The following HSDL1 variants were observed in gnomAD, a reference collection of about 807,000 sequenced individuals.
HSDL1 encodes the protein inactive hydroxysteroid dehydrogenase-like protein 1.
In HSDL1, 29 loss-of-function variants were observed where a neutral mutation model predicts 31.5. The observed-to-expected ratio is 0.92, with a 90% CI of 0.69 to 1.26. The LOEUF (loss-of-function observed/expected upper bound fraction) is 1.26, where lower values mean the gene tolerates loss of function less well. HSDL1 is among the 50% of genes most tolerant of loss of function. HSDL1 has a pLI of 0.00. For missense variants in HSDL1, 503 were observed against 416.6 expected, an observed-to-expected ratio of 1.21 and a Z score of -1.81; for synonymous variants, 222 against 155.2, an observed-to-expected ratio of 1.43 and a Z score of -3.20.
At chr16:84,137,061 G>C (rs1426863488) in intron 1 of HSDL1, among the ~76,000 whole-genome samples, 1 of 152,202 alleles carries the variant, frequency 6.6e-6, no homozygotes, top group East Asian at 1.9e-4. Context: ...GAACAGCAAT[G>C]AAAAATACAA....
chr16:84,124,838 A>G, intron 5 of HSDL1, 110 bp from the exon 6 acceptor site: 1 of 665,404 alleles, frequency 1.5e-6, no homozygotes, highest in East Asian at 2.8e-5. Context: ...AATACCCACC[A>G]ATCAATCACA....
At chr16:84,132,124 GATAAACACA>G (rs2086675513) in intron 2 of HSDL1, among the ~76,000 whole-genome samples, 1 of 152,238 alleles carries the variant, frequency 6.6e-6, no homozygotes, top group Admixed American at 6.5e-5. Context: ...TGGCTACAGA[GATAAACACA>G]ATATGCTCTG....
chr16:84,126,214 T>C (rs561837874), intron 5 of HSDL1, among the ~76,000 whole-genome samples: 1 of 152,016 alleles, frequency 6.6e-6, no homozygotes, highest in East Asian at 1.9e-4. Flanking sequence ...AGGGGTAGTA[T>C]GGAACAAAGT....
rs1479036356 is a variant in HSDL1, at chr16:84,123,025, C to G, written c.*1605G>C. 6.6e-6 allele frequency: 1 copy of G among 152,166 alleles called. No homozygotes were observed. The highest frequency in any genetic ancestry group is 6.5e-5 in the Admixed American group (1 of 15,274). The allele number at this position is 152,166 out of a possible 1,614,324, so 9.4% of individuals were successfully genotyped here. ...GCTGCTTATTATACATCAAAGTTCA[C>G]GTCAATGTGGCATGAAGTCAAGAGG... On this transcript the variant is annotated 3_prime_UTR_variant, in exon 6 of 6. Coordinates refer to ENST00000219439, the MANE Select transcript of HSDL1 (RefSeq NM_031463.5).
intron 2 of HSDL1, among the ~76,000 whole-genome samples, chr16:84,133,697 C>G (rs1242192948): frequency 6.6e-6 from 1 of 152,148 alleles, no homozygotes; most frequent in East Asian, 1.9e-4. Context: ...CCACTGCGCT[C>G]CAGCCTGGGC....
intron 1 of HSDL1, among the ~76,000 whole-genome samples, chr16:84,138,598 G>C (rs1033852596): frequency 2.6e-5 from 4 of 152,216 alleles, no homozygotes; most frequent in Non-Finnish European, 4.4e-5. Flanking sequence ...AATTTTATTT[G>C]TCAATTATAC....
At chr16:84,127,741 C>T (rs933239760) in intron 5 of HSDL1, among the ~76,000 whole-genome samples, 2 of 135,738 alleles carry the variant, frequency 1.5e-5, no homozygotes, top group African/African-American at 5.6e-5. Context: ...TTTTGTGAGA[C>T]GGAGTCTTGC....
chr16:84,127,809 C>G (rs2086623982), intron 5 of HSDL1, among the ~76,000 whole-genome samples: 2 of 148,936 alleles, frequency 1.3e-5, no homozygotes, highest in Admixed American at 1.3e-4. Context: ...AGCTCTGCCT[C>G]CCGGGTTCAC....
At chr16:84,127,176 C>G in intron 5 of HSDL1, among the ~76,000 whole-genome samples, 1 of 149,508 alleles carries the variant, frequency 6.7e-6, no homozygotes, top group East Asian at 1.9e-4. Flanking sequence ...ATTAAAGGAC[C>G]TGGAAACAAC....
At chr16:84,133,996 T>C (rs2086690423) in intron 2 of HSDL1, among the ~76,000 whole-genome samples, 1 of 152,240 alleles carries the variant, frequency 6.6e-6, no homozygotes, top group South Asian at 2.1e-4. Flanking sequence ...ATATGAGCTG[T>C]CTAGTTCAAC....
intron 5 of HSDL1, among the ~76,000 whole-genome samples, chr16:84,127,417 T>A (rs2086620175): frequency 6.6e-6 from 1 of 151,774 alleles, no homozygotes; most frequent in Non-Finnish European, 1.5e-5. Flanking sequence ...GGTTTCACCA[T>A]GTTGGCAAGG....
rs544496668 is a variant in HSDL1 at position 84,142,670 on chromosome 16, T to C, written c.-69+2410A>G. ...CATATTGGCCAGGCTGGTCTTGAAC[T>C]CCTGACCTTGTGATCCGCCCACTTT... On this transcript the variant is annotated intron_variant, in intron 1 of 5. Coordinates refer to ENST00000219439, the MANE Select transcript of HSDL1 (RefSeq NM_031463.5). 3.9e-5 allele frequency among the ~76,000 whole-genome samples: 6 copies of C among 152,150 alleles called. No homozygotes were observed. The South Asian group carries it at 1.2e-3, about 32-fold the overall frequency.
At chr16:84,134,115 C>G (rs915784908) in intron 2 of HSDL1, among the ~76,000 whole-genome samples, 6 of 107,798 alleles carry the variant, frequency 5.6e-5, no homozygotes, top group Non-Finnish European at 1.2e-4. Context: ...AAAGTTAGGG[C>G]CCCCCCTTCA....
At chr16:84,141,042 G>C (rs529700809) in intron 1 of HSDL1, among the ~76,000 whole-genome samples, 2 of 149,028 alleles carry the variant, frequency 1.3e-5, no homozygotes, top group Non-Finnish European at 2.9e-5. Context: ...AGTGAGCGGA[G>C]ATCGCGCCAC....
At chr16:84,128,067 T>C (rs2086626883) in intron 5 of HSDL1, among the ~76,000 whole-genome samples, 1 of 150,512 alleles carries the variant, frequency 6.6e-6, no homozygotes, top group Non-Finnish European at 1.5e-5. Flanking sequence ...GGCGGGTGGA[T>C]CACCTGAGAT....
At position 84,131,340 on chromosome 16, in the gene HSDL1, GGAAAGA is replaced by G. The variant is rs757679956; in HGVS notation, c.-6-19_-6-14del. 1 of 1,570,134 alleles carries G rather than the reference GGAAAGA, an allele frequency of 6.4e-7. No individual in the cohort carries two copies. Among genetic ancestry groups the G allele is most frequent in the South Asian group, 1.1e-5 (1 of 90,096 alleles). ...CAGCCATGGCAACCTGCAGGGAGAG[GGAAAGA>G]GAGAGAGCCTCTTTGATTAATAAAT... On this transcript the variant is annotated splice_polypyrimidine_tract_variant and intron_variant, in intron 2 of 5. Transcript: ENST00000219439.
intron 1 of HSDL1, among the ~76,000 whole-genome samples, chr16:84,144,001 G>A (rs2086803082): frequency 6.6e-6 from 1 of 151,828 alleles, no homozygotes; most frequent in South Asian, 2.1e-4. Flanking sequence ...CCGGGCGACA[G>A]AGCGAGATTG....
intron 5 of HSDL1, among the ~76,000 whole-genome samples, chr16:84,129,102 G>A (rs150260400): frequency 6.6e-6 from 1 of 152,196 alleles, no homozygotes; most frequent in African/African-American, 2.4e-5. Flanking sequence ...AGTGTCTTTG[G>A]TCAGGCACGG....
chr16:84,127,244 G>A (rs1435331741), intron 5 of HSDL1, among the ~76,000 whole-genome samples: 1 of 120,786 alleles, frequency 8.3e-6, no homozygotes, highest in African/African-American at 3.1e-5. Flanking sequence ...TGAGATAAGA[G>A]TCTAGCTCTG....
Sources: gnomAD v4.1 joint callset for allele counts (sites outside exome capture counted in the v4.1 genomes callset) on GRCh38, gnomAD v4.1.1 for gene constraint, MANE v1.5 for transcripts, NCBI Gene and HGNC (gene_info 2026-07-23, HGNC 2026-07-21) for gene names.